Variants in TMEM150C observed in about 807,000 individuals in gnomAD.
TMEM150C encodes tentonin 3.
In TMEM150C, 10 loss-of-function variants were observed where a neutral mutation model predicts 29.9. That is an observed-to-expected ratio of 0.33 (90% confidence interval 0.21 to 0.57). TMEM150C has a LOEUF of 0.57. Ranked by LOEUF, TMEM150C falls within the 20% of genes least tolerant of loss-of-function variation. The pLI is 0.88. For missense variants in TMEM150C, 251 were observed against 303.6 expected (o/e 0.83, Z 1.29); for synonymous variants, 101 against 112.5 (o/e 0.90, Z 0.64).
chr4:82,500,787 T>C (rs1439874370), intron 5 of TMEM150C, among the ~76,000 whole-genome samples: 1 of 152,268 alleles, frequency 6.6e-6, no homozygotes, highest in Non-Finnish European at 1.5e-5. Context: ...GTCTTAAGCA[T>C]ACAAAGGAAA....
In TMEM150C at chr4:82,561,969, C is replaced by G; in HGVS notation, c.-74G>C. ...CTGTGACCTGCTGCGGTGGCGGCGGCGGCAGCAGTAGCGGCGGGTAGGGCG... is the reference window on the plus strand; with the variant it reads ...CTGTGACCTGCTGCGGTGGCGGCGGGGGCAGCAGTAGCGGCGGGTAGGGCG... On this transcript the variant is annotated 5_prime_UTR_variant, in exon 1 of 8. Coordinates refer to ENST00000449862, the MANE Select transcript of TMEM150C (RefSeq NM_001080506.3). 9.0e-7 allele frequency: 1 copy of G among 1,105,386 alleles called. No homozygotes were observed. Among genetic ancestry groups the G allele is most frequent in the Non-Finnish European group, 1.1e-6 (1 of 900,688 alleles). 68.5% of individuals were successfully genotyped at this position (1,105,386 alleles called of 1,614,324 possible).
intron 6 of TMEM150C, chr4:82,495,477 A>G: frequency 2.8e-6 from 1 of 357,194 alleles, no homozygotes; most frequent in East Asian, 8.3e-5. Flanking sequence ...TAGCTCTTTT[A>G]GGCCCCAGGT....
chr4:82,540,114 CTTTTTTTTTTTTTTTTTTTTTT>C lies in TMEM150C; in HGVS notation c.-11+21770_-11+21791del, dbSNP rs577728662. 3.0e-3 allele frequency among the ~76,000 whole-genome samples: 143 copies of C among 47,266 alleles called. 2 individuals are homozygous for C. Among genetic ancestry groups the C allele is most frequent in the East Asian group, 0.026 (35 of 1,358 alleles). 31.0% of individuals were successfully genotyped at this position (47,266 alleles called of 152,430 possible). The stretch of plus-strand genomic sequence containing the variant: ...TAGTCATTCAATGTTTCTACCTATT[CTTTTTTTTTTTTTTTTTTTTTT>C]TTTTTTTTTTTTTTTTTGAGACAAG... On this transcript the variant is annotated intron_variant, in intron 1 of 7. Coordinates refer to ENST00000449862, the MANE Select transcript of TMEM150C (RefSeq NM_001080506.3).
At chr4:82,489,412 C>T (rs190789299) in intron 7 of TMEM150C, among the ~76,000 whole-genome samples, 8 of 149,932 alleles carry the variant, frequency 5.3e-5, no homozygotes, top group African/African-American at 7.5e-5. Flanking sequence ...AGAGAGGAGA[C>T]CTGCAGCATT....
chr4:82,560,277 T>C (rs149671627), intron 1 of TMEM150C, among the ~76,000 whole-genome samples: 179 of 151,716 alleles, frequency 1.2e-3, no homozygotes, highest in Non-Finnish European at 2.1e-3. Context: ...CAGATTATAA[T>C]AAACATGCAT....
chr4:82,559,714 C>T (rs938387963), intron 1 of TMEM150C, among the ~76,000 whole-genome samples: 2 of 152,190 alleles, frequency 1.3e-5, no homozygotes, highest in Non-Finnish European at 1.5e-5. Context: ...AGAACCTAAT[C>T]ACACCGTAGT....
chr4:82,557,881 A>C (rs1162790077), intron 1 of TMEM150C, among the ~76,000 whole-genome samples: 2 of 151,278 alleles, frequency 1.3e-5, no homozygotes, highest in Non-Finnish European at 2.9e-5. Context: ...GGTACCTGCC[A>C]CCATGCGCAG....
intron 1 of TMEM150C, among the ~76,000 whole-genome samples, chr4:82,518,273 G>A (rs1724360852): frequency 6.6e-6 from 1 of 151,664 alleles, no homozygotes; most frequent in Admixed American, 6.6e-5. Context: ...CCGAGATCAA[G>A]CAACTCCACT....
intron 1 of TMEM150C, among the ~76,000 whole-genome samples, chr4:82,554,572 GTCA>G (rs1725678806): frequency 6.6e-6 from 1 of 152,098 alleles, no homozygotes; most frequent in Admixed American, 6.6e-5. Flanking sequence ...TGGCAGTCAA[GTCA>G]TCATAAGTGT....
intron 1 of TMEM150C, among the ~76,000 whole-genome samples, chr4:82,516,972 G>A (rs1724315941): frequency 6.6e-6 from 1 of 152,090 alleles, no homozygotes; most frequent in Admixed American, 6.6e-5. Context: ...CTCAGAACCC[G>A]AACTCCCCAG....
chr4:82,532,747 G>A (rs1485582648), intron 1 of TMEM150C, among the ~76,000 whole-genome samples: 2 of 91,248 alleles, frequency 2.2e-5, no homozygotes, highest in Non-Finnish European at 2.3e-5. Context: ...TTTTTTTTTT[G>A]AGACAGAGTC....
intron 1 of TMEM150C, among the ~76,000 whole-genome samples, chr4:82,516,986 G>A (rs540018990): frequency 1.8e-4 from 28 of 152,248 alleles, no homozygotes; most frequent in Non-Finnish European, 3.8e-4. Context: ...TCCCCAGAAC[G>A]CTTAGGACCA....
chr4:82,500,002 A>C (rs1013479990), intron 5 of TMEM150C, among the ~76,000 whole-genome samples: 1 of 152,138 alleles, frequency 6.6e-6, no homozygotes, highest in Non-Finnish European at 1.5e-5. Context: ...TCATTCAGCT[A>C]TTAGCTTTAT....
At chr4:82,552,709 C>T (rs959846786) in intron 1 of TMEM150C, among the ~76,000 whole-genome samples, 4 of 152,162 alleles carry the variant, frequency 2.6e-5, no homozygotes, top group Admixed American at 1.3e-4. Context: ...TTTGGGGTGC[C>T]GCTGGAATTG....
chr4:82,507,725 CTCTTTTTTTTTTTTTTTTTTTT>C (rs1723980311), intron 1 of TMEM150C, among the ~76,000 whole-genome samples: 1 of 27,862 alleles, frequency 3.6e-5, no homozygotes. Flanking sequence ...CTCTCTCTCT[CTCTTTTTTTTTTTTTTTTTTTT>C]TTTTTTTTTT....
At chr4:82,559,604 T>C (rs1725852763) in intron 1 of TMEM150C, among the ~76,000 whole-genome samples, 1 of 152,126 alleles carries the variant, frequency 6.6e-6, no homozygotes, top group Non-Finnish European at 1.5e-5. Flanking sequence ...CACACCTGTG[T>C]CTAGTCCTAC....
At position 82,490,148 on chromosome 4, in the gene TMEM150C, G is replaced by T. The variant is rs764737816; in HGVS notation, c.454C>A (p.Leu152Ile). The change falls in exon 7 of 8, where the codon CTC (leucine) becomes ATC (isoleucine). Residue 152 changes from leucine (L) to isoleucine (I), a missense_variant. Coordinates refer to ENST00000449862, the MANE Select transcript of TMEM150C (RefSeq NM_001080506.3). ...LTCWIQAALT[L>I]KVNIKNEGRR... ...CCTTCATTCTTGATGTTGACCTTGA[G>T]TGTCAGCGCAGCCTGGATCCAGCAG... 1 of 1,614,016 alleles carries T rather than the reference G, an allele frequency of 6.2e-7. No individual in the cohort carries two copies. Among genetic ancestry groups the T allele is most frequent in the Non-Finnish European group, 8.5e-7 (1 of 1,179,876 alleles).
intron 6 of TMEM150C, among the ~76,000 whole-genome samples, chr4:82,492,448 A>T (rs1000526382): frequency 3.3e-5 from 5 of 151,910 alleles, no homozygotes; most frequent in African/African-American, 9.7e-5. Context: ...GTTAATGAGA[A>T]TTTTTTTAGT....
At chr4:82,491,081 G>T (rs1332442574) in intron 6 of TMEM150C, 1 of 712,644 alleles carries the variant, frequency 1.4e-6, no homozygotes. Context: ...TGATAATGCA[G>T]CAAGAGACCC....
Sources: gnomAD v4.1 joint callset for allele counts (sites outside exome capture counted in the v4.1 genomes callset) on GRCh38, gnomAD v4.1.1 for gene constraint, MANE v1.5 for transcripts, NCBI Gene and HGNC (gene_info 2026-07-23, HGNC 2026-07-21) for gene names.